HDAC4: variants seen among roughly 807,000 people sequenced by gnomAD.
HDAC4 encodes the protein histone deacetylase 4.
In HDAC4, 16 loss-of-function variants were observed where a neutral mutation model predicts 135.1. The observed-to-expected ratio is 0.12, with a 90% CI of 0.08 to 0.18. The LOEUF (loss-of-function observed/expected upper bound fraction) is 0.18, where lower values mean the gene tolerates loss of function less well. Ranked by LOEUF, HDAC4 falls within the 10% of genes least tolerant of loss-of-function variation. HDAC4 has a pLI of 1.00. For synonymous variants in HDAC4, 685 were observed against 653.4 expected (o/e 1.05, Z -0.74); for missense variants, 1,143 against 1,511.8 (o/e 0.76, Z 4.05).
rs575930613 is a variant in HDAC4, at chr2:239,100,778, G to T, written c.2233+1998C>A. Among the ~76,000 whole-genome samples the T allele has an allele frequency of 1.1e-3, 175 of 152,238 alleles. 2 individuals are homozygous for T. Among genetic ancestry groups the T allele is most frequent in the African/African-American group, 4.1e-3 (170 of 41,542 alleles). On this transcript the variant is annotated intron_variant, in intron 16 of 26. Transcript: ENST00000543185. ...TCTCCTGTCTGCTTGGACGGTAAAG[G>T]TCAGCATGCTGGCAGCCCAGTGGGG... is the stretch of plus-strand genomic sequence containing the variant.
intron 2 of HDAC4, among the ~76,000 whole-genome samples, chr2:239,320,233 G>A (rs1197894167): frequency 6.6e-6 from 1 of 151,574 alleles, no homozygotes; most frequent in Non-Finnish European, 1.5e-5. Flanking sequence ...AAATACAAAA[G>A]TTAGCTGGCG....
chr2:239,306,158 G>A lies in HDAC4; in HGVS notation c.22+46520C>T, dbSNP rs2052568580. On this transcript the variant is annotated intron_variant, in intron 2 of 26. Coordinates refer to ENST00000543185, the MANE Select transcript of HDAC4 (RefSeq NM_001378414.1). This position sits in a 1 kb window ranked among gnomAD's most constrained non-coding sequence, Gnocchi z 4.5. ...TCTAGAAACCGAGGATTCTGGGTTT[G>A]GAGGCACCCCAGCTCTTCCCTGGGA... Among the ~76,000 whole-genome samples, 1 of 152,184 alleles carries A rather than the reference G, an allele frequency of 6.6e-6. No homozygotes were observed. The highest frequency in any genetic ancestry group is 6.5e-5 in the Admixed American group (1 of 15,288).
At chr2:239,072,787 T>C (rs2034328474) in intron 22 of HDAC4, among the ~76,000 whole-genome samples, 1 of 152,222 alleles carries the variant, frequency 6.6e-6, no homozygotes, top group South Asian at 2.1e-4. Context: ...TGCTGAAAAT[T>C]CAATGTGACC....
At chr2:239,116,173 T>C (rs1363664074) in intron 12 of HDAC4, among the ~76,000 whole-genome samples, 2 of 152,158 alleles carry the variant, frequency 1.3e-5, no homozygotes, top group African/African-American at 4.8e-5. Context: ...CCTCGGCTCA[T>C]TTCCCCATTC....
At chr2:239,326,223 C>T (rs776298557) in intron 2 of HDAC4, among the ~76,000 whole-genome samples, 23 of 152,178 alleles carry the variant, frequency 1.5e-4, no homozygotes, top group South Asian at 6.2e-4. Flanking sequence ...TGCCACAATA[C>T]GAGTGAACCC....
Position 239,285,329 on chromosome 2 carries a change from G to GC in HDAC4, c.23-48666dup, listed in dbSNP as rs371836623. On this transcript the variant is annotated intron_variant, in intron 2 of 26. Coordinates refer to ENST00000543185, the MANE Select transcript of HDAC4 (RefSeq NM_001378414.1). The surrounding 1 kb of genome is among the most constrained non-coding windows in gnomAD (Gnocchi z 4.5). ...GCGCCGCGGCTGGGCCCCCAAGTTC[G>GC]CGGCTGTGCAGCGTGGCCAGAATGC... 6.6e-5 allele frequency among the ~76,000 whole-genome samples: 10 copies of GC among 152,326 alleles called. No homozygotes were observed. The highest frequency in any genetic ancestry group is 1.9e-4 in the African/African-American group (8 of 41,556).
intron 2 of HDAC4, among the ~76,000 whole-genome samples, chr2:239,291,751 G>A (rs1006389524): frequency 6.6e-6 from 1 of 152,184 alleles, no homozygotes; most frequent in African/African-American, 2.4e-5. Flanking sequence ...CTTCTTATTT[G>A]GTTCTTCTAA....
At chr2:239,294,209 C>T (rs754220230) in intron 2 of HDAC4, among the ~76,000 whole-genome samples, 3 of 152,154 alleles carry the variant, frequency 2.0e-5, no homozygotes, top group Non-Finnish European at 2.9e-5. Flanking sequence ...CTATCAACTC[C>T]CAGTGACTCA....
At chr2:239,187,227 T>C (rs1315813773) in intron 4 of HDAC4, 1 of 152,574 alleles carries the variant, frequency 6.6e-6, no homozygotes, top group Non-Finnish European at 1.5e-5. Flanking sequence ...GCGGGACCAA[T>C]GGCCGACGGG....
chr2:239,150,271 A>T (rs1038814169), intron 7 of HDAC4, among the ~76,000 whole-genome samples: 1 of 152,112 alleles, frequency 6.6e-6, no homozygotes, highest in East Asian at 1.9e-4. Context: ...ACACACACAG[A>T]AACATAGATA....
chr2:239,202,966 C>T (rs904033942), intron 3 of HDAC4, among the ~76,000 whole-genome samples: 6 of 152,132 alleles, frequency 3.9e-5, no homozygotes, highest in South Asian at 2.1e-4. Flanking sequence ...GACTGATCGC[C>T]GCACCTGGAT....
chr2:239,263,531 C>A (rs1336980404), intron 2 of HDAC4, among the ~76,000 whole-genome samples: 4 of 152,204 alleles, frequency 2.6e-5, no homozygotes, highest in African/African-American at 4.8e-5. Flanking sequence ...TGATGCCCAA[C>A]GGGTATTGCT....
chr2:239,162,706 G>C (rs2042887091), intron 6 of HDAC4, among the ~76,000 whole-genome samples: 1 of 152,160 alleles, frequency 6.6e-6, no homozygotes, highest in Non-Finnish European at 1.5e-5. Flanking sequence ...CGGTGTGTCT[G>C]CCGTGAGTGC....
At chr2:239,228,813 G>A (rs1407379859) in intron 3 of HDAC4, among the ~76,000 whole-genome samples, 1 of 152,130 alleles carries the variant, frequency 6.6e-6, no homozygotes, top group African/African-American at 2.4e-5. Flanking sequence ...CCAAGCAGGA[G>A]GGCGCAGCTT....
In HDAC4 at chr2:239,286,145, T is replaced by C. The variant is rs528955898; in HGVS notation, c.23-49481A>G. Among the ~76,000 whole-genome samples, 24 of 152,302 alleles carry C rather than the reference T, an allele frequency of 1.6e-4. 1 individual carries two copies. The highest frequency in any genetic ancestry group is 7.8e-4 in the Admixed American group (12 of 15,306). ...ATCATTTTCCCCATGTATGTTTTGA[T>C]TAAATAAAAAGTTTATGAAAATACT... On this transcript the variant is annotated intron_variant, in intron 2 of 26. Coordinates refer to ENST00000543185, the MANE Select transcript of HDAC4 (RefSeq NM_001378414.1).
At chr2:239,142,194 A>G (rs1336439937) in intron 8 of HDAC4, among the ~76,000 whole-genome samples, 1 of 152,108 alleles carries the variant, frequency 6.6e-6, no homozygotes, top group African/African-American at 2.4e-5. Flanking sequence ...TACAGTAGAC[A>G]CCCAATTAAT....
chr2:239,067,093 T>A, intron 23 of HDAC4: 1 of 598,270 alleles, frequency 1.7e-6, no homozygotes, highest in Non-Finnish European at 3.0e-6. Context: ...GCAAATCATC[T>A]GCTTTAGGGG....
At position 239,285,265 on chromosome 2, in the gene HDAC4, G is replaced by C. The variant is rs758871940; in HGVS notation, c.23-48601C>G. 2.0e-4 allele frequency among the ~76,000 whole-genome samples: 30 copies of C among 152,236 alleles called. No homozygotes were observed. The highest frequency in any genetic ancestry group is 4.3e-4 in the Non-Finnish European group (29 of 68,038). On this transcript the variant is annotated intron_variant, in intron 2 of 26. Transcript: ENST00000543185. The surrounding 1 kb of genome is among the most constrained non-coding windows in gnomAD (Gnocchi z 4.5). ...CGCTAAGGAGGAACACAGCCATGCT[G>C]GGGGTGGGAGGGGCAGATCCCTGCT...
intron 9 of HDAC4, among the ~76,000 whole-genome samples, chr2:239,136,626 T>C (rs2040976004): frequency 6.6e-6 from 1 of 152,144 alleles, no homozygotes; most frequent in African/African-American, 2.4e-5. Flanking sequence ...GGGAAACATG[T>C]GCAAGCCATT....
Sources: gnomAD v4.1 joint callset for allele counts (sites outside exome capture counted in the v4.1 genomes callset) on GRCh38, gnomAD v4.1.1 for gene constraint, Gnocchi (gnomAD v3.1) non-coding constraint, MANE v1.5 for transcripts, NCBI Gene and HGNC (gene_info 2026-07-23, HGNC 2026-07-21) for gene names.